Variants in PCDHA4 observed in about 807,000 individuals in gnomAD.
PCDHA4 encodes protocadherin alpha-4.
Under a neutral mutation model 61.4 loss-of-function variants are expected in PCDHA4, and 49 were observed. The observed-to-expected ratio is 0.80, with a 90% CI of 0.63 to 1.01. The LOEUF (loss-of-function observed/expected upper bound fraction) is 1.01, where lower values mean the gene tolerates loss of function less well. Among genes scored for constraint, PCDHA4 ranks in the 50% least tolerant of loss-of-function variants. The probability of loss-of-function intolerance (pLI) is 0.00; values close to 1 mark genes in which losing one functional copy is unlikely to be tolerated. For missense variants in PCDHA4, 1,254 were observed against 1,235.8 expected (o/e 1.01, Z -0.22); for synonymous variants, 590 against 550.3 (o/e 1.07, Z -1.01).
chr5:140,864,592 C>G (rs1005645849), intron 1 of PCDHA4: 6 of 152,206 alleles, frequency 3.9e-5, no homozygotes, highest in South Asian at 4.1e-4. Flanking sequence ...TCAACTACTT[C>G]AGATAGCCAA....
At chr5:140,952,058 T>C (rs889374877) in intron 1 of PCDHA4, among the ~76,000 whole-genome samples, 1 of 152,096 alleles carries the variant, frequency 6.6e-6, no homozygotes, top group African/African-American at 2.4e-5. Flanking sequence ...ATCTTAAAGC[T>C]CCAAATAATC....
rs1434426263 is a variant in PCDHA4, at chr5:140,852,473, T to A, written c.2385+42901T>A. On this transcript the variant is annotated intron_variant, in intron 1 of 3. Coordinates refer to ENST00000530339, the MANE Select transcript of PCDHA4 (RefSeq NM_018907.4). ...TTGTATTTTTAGTAGAGATGGGGTT[T>A]CATCATGTTGGCCAGGTTGGTCTCG... 6 of 195,480 alleles carry A rather than the reference T, an allele frequency of 3.1e-5. 1 individual carries two copies. The highest frequency in any genetic ancestry group is 6.2e-5 in the Non-Finnish European group (6 of 97,540). 12.1% of individuals were successfully genotyped at this position (195,480 alleles called of 1,614,324 possible). A position where few individuals can be genotyped will look rare whatever the true frequency, so the allele number is the denominator to read the frequency against.
intron 1 of PCDHA4, among the ~76,000 whole-genome samples, chr5:140,895,125 G>T (rs1165797883): frequency 2.0e-5 from 3 of 152,068 alleles, no homozygotes; most frequent in African/African-American, 7.2e-5. Flanking sequence ...TTTGTTAGTT[G>T]ACAAGTTCAT....
At chr5:140,831,756 AT>A (rs1554133366) in intron 1 of PCDHA4, among the ~76,000 whole-genome samples, 1 of 152,022 alleles carries the variant, frequency 6.6e-6, no homozygotes, top group Non-Finnish European at 1.5e-5. Context: ...ATCGCTACCA[AT>A]TTTGTTTTGT....
intron 1 of PCDHA4, chr5:140,843,073 T>A: frequency 6.3e-7 from 1 of 1,595,338 alleles, no homozygotes; most frequent in East Asian, 2.2e-5. Flanking sequence ...TGCCGCGGTC[T>A]GTGGGCGCGG....
intron 1 of PCDHA4, among the ~76,000 whole-genome samples, chr5:140,919,377 A>G (rs2079104195): frequency 1.3e-5 from 2 of 152,208 alleles, no homozygotes; most frequent in Non-Finnish European, 2.9e-5. Context: ...CAGACAACAC[A>G]TAGTTGGATG....
intron 1 of PCDHA4, among the ~76,000 whole-genome samples, chr5:140,902,203 C>CTTTTTTT (rs148688132): frequency 6.4e-5 from 8 of 124,436 alleles, no homozygotes; most frequent in African/African-American, 9.3e-5. Flanking sequence ...CTCTCTCTTT[C>CTTTTTTT]TTTTTTTTTT....
At chr5:140,841,648 C>T in intron 1 of PCDHA4, 1 of 1,614,112 alleles carries the variant, frequency 6.2e-7, no homozygotes, top group East Asian at 2.2e-5. Flanking sequence ...TGGAGGTGAT[C>T]GTGGACAGGC....
intron 1 of PCDHA4, chr5:140,876,569 G>C (rs1554168675): frequency 6.2e-7 from 1 of 1,614,186 alleles, no homozygotes; most frequent in Admixed American, 1.7e-5. Flanking sequence ...GCTCAGGTGG[G>C]TACCGTCATT....
In PCDHA4 at chr5:141,010,039, T is replaced by G. The variant is rs2098415843; in HGVS notation, c.*102T>G. ...TCCTTTTTCCTATCTACATGAGCCCTCTTAGAGACCTCAGAAATCTGCAGA... is the reference window on the plus strand; with the variant it reads ...TCCTTTTTCCTATCTACATGAGCCCGCTTAGAGACCTCAGAAATCTGCAGA... On this transcript the variant is annotated 3_prime_UTR_variant, in exon 4 of 4. Coordinates refer to ENST00000530339, the MANE Select transcript of PCDHA4 (RefSeq NM_018907.4). The G allele has an allele frequency of 1.4e-5, 23 of 1,593,158 alleles. No homozygotes were observed. Among genetic ancestry groups the G allele is most frequent in the Non-Finnish European group, 1.8e-5 (21 of 1,170,616 alleles).
chr5:140,914,229 TA>T (rs1253173765), intron 1 of PCDHA4, among the ~76,000 whole-genome samples: 3 of 152,224 alleles, frequency 2.0e-5, no homozygotes, highest in Non-Finnish European at 4.4e-5. Flanking sequence ...GCTCTAATAC[TA>T]TTTGCTTTTT....
chr5:140,921,932 TAATTTTACACTTGTAA>T (rs781950121), intron 1 of PCDHA4, among the ~76,000 whole-genome samples: 10 of 152,080 alleles, frequency 6.6e-5, no homozygotes, highest in Non-Finnish European at 1.5e-4. Flanking sequence ...ATAGTCAATA[TAATTTTACACTTGTAA>T]AATCCCAGAA....
chr5:141,000,393 C>A (rs60881126), intron 3 of PCDHA4, among the ~76,000 whole-genome samples: 1,562 of 52,558 alleles, frequency 0.03, 14 homozygotes, highest in East Asian at 0.037. Context: ...CTCTCTCTCT[C>A]TCTATATATA....
chr5:140,836,751 T>C (rs2150269188), intron 1 of PCDHA4: 5 of 1,580,282 alleles, frequency 3.2e-6, no homozygotes, highest in Middle Eastern at 1.7e-4. Flanking sequence ...GAGTCATAAA[T>C]AATCTTGTTT....
At chr5:140,863,422 G>A (rs782158453) in intron 1 of PCDHA4, 1 of 689,156 alleles carries the variant, frequency 1.5e-6, no homozygotes, top group South Asian at 1.3e-5. Flanking sequence ...GTACCGCAGC[G>A]TAGTGGGATC....
At chr5:140,929,555 C>A in intron 1 of PCDHA4, 1 of 485,752 alleles carries the variant, frequency 2.1e-6, no homozygotes, top group Non-Finnish European at 3.5e-6. Context: ...AAATTAAAAC[C>A]TATTTAAGAA....
At chr5:140,889,763 T>C (rs2062377523) in intron 1 of PCDHA4, among the ~76,000 whole-genome samples, 1 of 152,192 alleles carries the variant, frequency 6.6e-6, no homozygotes, top group African/African-American at 2.4e-5. Context: ...TCCTTGAACT[T>C]TGACTGGTCT....
intron 1 of PCDHA4, chr5:140,857,735 G>T (rs782288464): frequency 6.3e-7 from 1 of 1,597,334 alleles, no homozygotes; most frequent in Non-Finnish European, 8.6e-7. Flanking sequence ...CAACGCTCCC[G>T]CGCTGCTGGC....
intron 1 of PCDHA4, chr5:140,862,573 G>A (rs1252034022): frequency 4.1e-6 from 2 of 484,618 alleles, no homozygotes; most frequent in East Asian, 1.1e-4. Context: ...CAATGCCCTG[G>A]CGTTCCAGCA....
Sources: allele counts gnomAD v4.1 joint callset (sites outside exome capture counted in the v4.1 genomes callset), GRCh38; gene constraint gnomAD v4.1.1; transcripts MANE v1.5; gene names NCBI Gene and HGNC (gene_info 2026-07-23, HGNC 2026-07-21).